The following ST7 variants were observed in gnomAD, a reference collection of about 807,000 sequenced individuals.
ST7 encodes the protein suppressor of tumorigenicity 7 protein.
ST7 carries 28 observed loss-of-function variants against 78.7 expected under a neutral mutation model. That is an observed-to-expected ratio of 0.36 (90% CI 0.26 to 0.49). ST7 has a LOEUF of 0.49. Among genes scored for constraint, ST7 ranks in the 20% least tolerant of loss-of-function variants. ST7 has a pLI of 0.99. For missense variants in ST7, 418 were observed against 696.0 expected (o/e 0.60, Z 4.49); for synonymous variants, 247 against 249.6 (o/e 0.99, Z 0.10).
At chr7:117,099,882 AT>A in intron 2 of ST7, 38 bp downstream of exon 2, 1 of 1,505,160 alleles carries the variant, frequency 6.6e-7, no homozygotes, top group Non-Finnish European at 9.2e-7. Flanking sequence ...AAACATGCTG[AT>A]TAGTAATATG....
intron 1 of ST7, among the ~76,000 whole-genome samples, chr7:117,048,784 A>G (rs1383514465): frequency 6.6e-6 from 1 of 152,188 alleles, no homozygotes; most frequent in Non-Finnish European, 1.5e-5. Context: ...TCAATGGTAT[A>G]ATCCTTCCAC....
chr7:116,995,088 C>T (rs575141257), intron 1 of ST7, among the ~76,000 whole-genome samples: 3 of 152,194 alleles, frequency 2.0e-5, no homozygotes, highest in South Asian at 4.2e-4. Flanking sequence ...AGCCTGTGCC[C>T]TTTCTACACC....
chr7:116,964,906 C>A (rs1040551269), intron 1 of ST7, among the ~76,000 whole-genome samples: 1 of 152,144 alleles, frequency 6.6e-6, no homozygotes, highest in Admixed American at 6.5e-5. Context: ...AAGTTATTAT[C>A]CTAAGAGAAA....
chr7:117,016,277 C>T (rs1405069481), intron 1 of ST7, among the ~76,000 whole-genome samples: 3 of 152,024 alleles, frequency 2.0e-5, no homozygotes, highest in Non-Finnish European at 2.9e-5. Flanking sequence ...ATAAAATGCA[C>T]CCACCTTTTT....
At chr7:116,991,308 T>C (rs1794417987) in intron 1 of ST7, among the ~76,000 whole-genome samples, 1 of 152,146 alleles carries the variant, frequency 6.6e-6, no homozygotes, top group Admixed American at 6.5e-5. Context: ...TTCAGCCATG[T>C]ATTAGTCTGT....
At chr7:117,144,699 T>C (rs1805611589) in intron 9 of ST7, among the ~76,000 whole-genome samples, 1 of 151,840 alleles carries the variant, frequency 6.6e-6, no homozygotes, top group Admixed American at 6.6e-5. Flanking sequence ...TCCCTGACCA[T>C]GCCTTGAGAG....
chr7:117,128,880 T>C (rs1804097220), intron 3 of ST7, among the ~76,000 whole-genome samples: 1 of 151,890 alleles, frequency 6.6e-6, no homozygotes. Flanking sequence ...TTGGATGTGG[T>C]TTTTGCTGGT....
intron 1 of ST7, chr7:116,972,184 A>G (rs1002792816): frequency 3.6e-6 from 2 of 556,394 alleles, no homozygotes; most frequent in African/African-American, 3.7e-5. Context: ...ATTCAGGTCA[A>G]GCAGAGTCTG....
intron 2 of ST7, among the ~76,000 whole-genome samples, chr7:117,102,513 A>G (rs1453025166): frequency 6.6e-6 from 1 of 152,174 alleles, no homozygotes; most frequent in Admixed American, 6.5e-5. Context: ...TTGCTAGAAA[A>G]CCACAGAAAA....
intron 3 of ST7, among the ~76,000 whole-genome samples, chr7:117,122,241 T>G (rs972486822): frequency 6.6e-6 from 1 of 152,174 alleles, no homozygotes; most frequent in African/African-American, 2.4e-5. Context: ...AGGGACTGGA[T>G]TGTGACAGAA....
chr7:116,996,195 C>T (rs1423237979), intron 1 of ST7, among the ~76,000 whole-genome samples: 1 of 151,356 alleles, frequency 6.6e-6, no homozygotes, highest in African/African-American at 2.4e-5. Flanking sequence ...GATTCTCCTT[C>T]CTCAGCCTCC....
intron 1 of ST7, among the ~76,000 whole-genome samples, chr7:117,092,949 A>G (rs1000757986): frequency 6.6e-6 from 1 of 152,226 alleles, no homozygotes; most frequent in Non-Finnish European, 1.5e-5. Flanking sequence ...AGGCTTTAAC[A>G]TGGCTTATGT....
chr7:116,953,634 C>T lies in ST7; in HGVS notation c.94C>T (p.Leu32=), dbSNP rs1792257744. 1.3e-6 allele frequency: 2 copies of T among 1,509,680 alleles called. No homozygotes were observed. The highest frequency in any genetic ancestry group is 1.8e-6 in the Non-Finnish European group (2 of 1,116,916). 93.5% of individuals were successfully genotyped at this position (1,509,680 alleles called of 1,614,324 possible). ...GTGGACCGTGTGGTTCTTCATCGTG[C>T]TATTCCTGGTCTACATCCTGCGGGT... ...YLWTVWFFIV[L]FLVYILRVPL... The change falls in exon 1 of 16, where the codon CTA becomes TTA. Residue 32 remains leucine, a synonymous_variant. Transcript: ENST00000323984.
chr7:117,149,332 A>G (rs1281540683), intron 9 of ST7, among the ~76,000 whole-genome samples: 2 of 152,154 alleles, frequency 1.3e-5, no homozygotes, highest in Admixed American at 6.5e-5. Flanking sequence ...TCCTACCCCT[A>G]AACACCCATT....
At chr7:117,196,441 T>C (rs974946104) in intron 12 of ST7, among the ~76,000 whole-genome samples, 2 of 152,184 alleles carry the variant, frequency 1.3e-5, no homozygotes, top group African/African-American at 4.8e-5. Flanking sequence ...CTTGTTATTT[T>C]GTTGAGAGTG....
chr7:117,141,000 A>G lies in ST7; in HGVS notation c.963+2468A>G, dbSNP rs1439668493. Among the ~76,000 whole-genome samples the G allele has an allele frequency of 2.0e-5, 3 of 152,264 alleles. No homozygotes were observed. In the East Asian group the frequency reaches 5.8e-4, roughly 29 times the overall value. On this transcript the variant is annotated intron_variant, in intron 9 of 15. Transcript: ENST00000323984. ...CAGGAGACAGTTGTTGGCCAGGCCT[A>G]ATTTGTTTGGCTCCTCTCCGGTCAT...
At chr7:117,040,137 G>A (rs1181885860) in intron 1 of ST7, among the ~76,000 whole-genome samples, 1 of 152,158 alleles carries the variant, frequency 6.6e-6, no homozygotes, top group Non-Finnish European at 1.5e-5. Context: ...ACTTTGGGAG[G>A]CAGAGGTGGG....
At chr7:117,067,781 G>C (rs973377452) in intron 1 of ST7, among the ~76,000 whole-genome samples, 1 of 152,186 alleles carries the variant, frequency 6.6e-6, no homozygotes, top group Non-Finnish European at 1.5e-5. Flanking sequence ...TACAATCTTT[G>C]TCAGACCCAA....
chr7:116,965,456 T>C (rs1157426031), intron 1 of ST7, among the ~76,000 whole-genome samples: 1 of 151,926 alleles, frequency 6.6e-6, no homozygotes, highest in African/African-American at 2.4e-5. Flanking sequence ...ACCTAATGCA[T>C]GCGAGGCTTA....
Sources: allele counts gnomAD v4.1 joint callset (sites outside exome capture counted in the v4.1 genomes callset), GRCh38; gene constraint gnomAD v4.1.1; transcripts MANE v1.5; gene names NCBI Gene and HGNC (gene_info 2026-07-23, HGNC 2026-07-21).